PTPRD: variants seen among roughly 807,000 people sequenced by gnomAD.
PTPRD encodes the protein protein tyrosine phosphatase receptor type D.
In PTPRD, 34 loss-of-function variants were observed where a neutral mutation model predicts 214.5. That is an observed-to-expected ratio of 0.16 (90% confidence interval 0.12 to 0.21). The LOEUF is 0.21. PTPRD is among the 10% of genes least tolerant of loss of function. The pLI, the probability that PTPRD is intolerant of heterozygous loss-of-function variation, is 1.00. For synonymous variants in PTPRD, 1,128 were observed against 845.7 expected, an observed-to-expected ratio of 1.33 and a Z score of -5.79; for missense variants, 2,545 against 2,398.7, an observed-to-expected ratio of 1.06 and a Z score of -1.27.
At chr9:10,061,963 G>C (rs1198924996) in intron 3 of PTPRD, among the ~76,000 whole-genome samples, 1 of 152,040 alleles carries the variant, frequency 6.6e-6, no homozygotes, top group African/African-American at 2.4e-5. Context: ...TGGAAATGGA[G>C]TCTGGTGATC....
chr9:9,004,414 T>C (rs1194337182), intron 11 of PTPRD, among the ~76,000 whole-genome samples: 10 of 152,022 alleles, frequency 6.6e-5, no homozygotes, highest in African/African-American at 2.2e-4. Context: ...CATGTCAGTT[T>C]AAAATCACCT....
At chr9:10,401,056 C>T (rs1010613679) in intron 2 of PTPRD, among the ~76,000 whole-genome samples, 6 of 151,596 alleles carry the variant, frequency 4.0e-5, no homozygotes, top group African/African-American at 1.5e-4. Context: ...AGATGTTTAA[C>T]TAGATATTAA....
At chr9:10,165,322 G>A (rs1031953245) in intron 3 of PTPRD, among the ~76,000 whole-genome samples, 3 of 151,664 alleles carry the variant, frequency 2.0e-5, no homozygotes, top group Non-Finnish European at 4.4e-5. Context: ...TCCTTGGTGA[G>A]AGTCTGAAGT....
intron 14 of PTPRD, among the ~76,000 whole-genome samples, chr9:8,560,866 C>A (rs1045293631): frequency 2.0e-5 from 3 of 151,336 alleles, no homozygotes; most frequent in African/African-American, 7.3e-5. Context: ...TGGATTCAAA[C>A]GACAAATTCC....
intron 7 of PTPRD, among the ~76,000 whole-genome samples, chr9:9,597,109 G>A (rs978792882): frequency 4.6e-5 from 7 of 151,968 alleles, no homozygotes; most frequent in Admixed American, 3.3e-4. Flanking sequence ...CAGTGAGACA[G>A]AATAGGCCTT....
rs186658185 is a variant in PTPRD at position 9,880,708 on chromosome 9, T to C, written c.-368+57799A>G. On this transcript the variant is annotated intron_variant, in intron 5 of 45. Transcript: ENST00000381196. ...GTAATTATTATTACAATTCATTTTT[T>C]GTAACTATAGTAAAAGATCTTTTTA... Among the ~76,000 whole-genome samples the C allele has an allele frequency of 5.9e-5, 9 of 152,280 alleles. No homozygotes were observed. The East Asian group carries it at 1.7e-3, about 29-fold the overall frequency.
intron 10 of PTPRD, among the ~76,000 whole-genome samples, chr9:9,027,150 G>C (rs1676552074): frequency 6.6e-6 from 1 of 151,466 alleles, no homozygotes; most frequent in South Asian, 2.1e-4. Flanking sequence ...TCTGAATTTT[G>C]TCCAGCTCAT....
At chr9:10,483,270 T>C (rs1485037788) in intron 2 of PTPRD, among the ~76,000 whole-genome samples, 1 of 151,328 alleles carries the variant, frequency 6.6e-6, no homozygotes, top group African/African-American at 2.5e-5. Context: ...TCTCACCATG[T>C]ACAAAAATGA....
intron 5 of PTPRD, among the ~76,000 whole-genome samples, chr9:9,784,763 ATGTG>A (rs141712829): frequency 6.6e-6 from 1 of 151,374 alleles, no homozygotes; most frequent in Non-Finnish European, 1.5e-5. Flanking sequence ...TTAAAATTTT[ATGTG>A]TGTGTGTATA....
intron 3 of PTPRD, among the ~76,000 whole-genome samples, chr9:10,205,852 T>G (rs2154337541): frequency 6.6e-6 from 1 of 152,312 alleles, no homozygotes; most frequent in Middle Eastern, 3.4e-3. Flanking sequence ...TTAACTGCAT[T>G]ATTCACTTTG....
intron 2 of PTPRD, among the ~76,000 whole-genome samples, chr9:10,569,351 C>A (rs7862929): frequency 0.81 from 123,492 of 152,038 alleles, 50,501 homozygotes; most frequent in East Asian, 0.94. Context: ...AATTTTAAAA[C>A]CTACACCAGT....
intron 34 of PTPRD, among the ~76,000 whole-genome samples, chr9:8,440,384 C>A (rs1296631087): frequency 6.6e-6 from 1 of 151,502 alleles, no homozygotes. Context: ...GGTGCAATCT[C>A]GGCTCACTGT....
intron 11 of PTPRD, among the ~76,000 whole-genome samples, chr9:8,813,775 G>C (rs942582450): frequency 2.0e-5 from 3 of 152,194 alleles, no homozygotes; most frequent in Non-Finnish European, 2.9e-5. Flanking sequence ...CTGAGTTCCT[G>C]AGCTACTTTG....
At chr9:9,381,689 GTTTTGTT>G (rs1238028718) in intron 9 of PTPRD, among the ~76,000 whole-genome samples, 11 of 141,420 alleles carry the variant, frequency 7.8e-5, no homozygotes, top group East Asian at 2.0e-4. Flanking sequence ...TTTTTTTGTT[GTTTTGTT>G]TTTTGTTTTT....
chr9:9,547,796 T>TCACACACACACACA (rs35772205), intron 8 of PTPRD, among the ~76,000 whole-genome samples: 1,909 of 142,424 alleles, frequency 0.013, 16 homozygotes, highest in African/African-American at 0.015. Flanking sequence ...AAACACAAAT[T>TCACACACACACACA]CACACACACA....
chr9:9,796,641 A>G (rs1471682355), intron 5 of PTPRD, among the ~76,000 whole-genome samples: 4 of 152,130 alleles, frequency 2.6e-5, no homozygotes, highest in Admixed American at 1.3e-4. Context: ...AAGAAGAAAA[A>G]ACAAGCAAAA....
intron 9 of PTPRD, among the ~76,000 whole-genome samples, chr9:9,191,381 C>T (rs1402859040): frequency 1.3e-5 from 2 of 152,026 alleles, no homozygotes; most frequent in Non-Finnish European, 2.9e-5. Context: ...TGAAATGACC[C>T]CAGTCCTGGC....
At chr9:9,404,211 GGTTTTAA>G (rs758749808) in intron 8 of PTPRD, among the ~76,000 whole-genome samples, 30 of 152,046 alleles carry the variant, frequency 2.0e-4, no homozygotes, top group Non-Finnish European at 2.8e-4. Flanking sequence ...GTCATTGGAG[GGTTTTAA>G]GAAGTTGAGT....
chr9:9,650,672 C>T lies in PTPRD; in HGVS notation c.-286-75891G>A, dbSNP rs757739702. 6.3e-4 allele frequency among the ~76,000 whole-genome samples: 96 copies of T among 151,906 alleles called. 1 individual carries two copies. The highest frequency in any genetic ancestry group is 3.9e-4 in the African/African-American group (16 of 41,352). On this transcript the variant is annotated intron_variant, in intron 7 of 45. Coordinates refer to ENST00000381196, the MANE Select transcript of PTPRD (RefSeq NM_002839.4). ...AGATAGTATCAGGAAAAATAACTAA[C>T]GAGTACTAGGCTTAATACCTGGGTG...
Sources: allele counts gnomAD v4.1 joint callset (sites outside exome capture counted in the v4.1 genomes callset), GRCh38; gene constraint gnomAD v4.1.1; transcripts MANE v1.5; gene names NCBI Gene and HGNC (gene_info 2026-07-23, HGNC 2026-07-21).